Variants in SKAP1 observed in about 807,000 individuals in gnomAD.
SKAP1 encodes the protein src kinase-associated phosphoprotein 1.
In SKAP1, 44 loss-of-function variants were observed where a neutral mutation model predicts 58.5. That is an observed-to-expected ratio of 0.75 (90% CI 0.59 to 0.97). The LOEUF is 0.97. Among genes scored for constraint, SKAP1 ranks in the 50% least tolerant of loss-of-function variants. The probability of loss-of-function intolerance (pLI) is 0.00; values close to 1 mark genes in which losing one functional copy is unlikely to be tolerated. For synonymous variants in SKAP1, 127 were observed against 149.7 expected (o/e 0.85, Z 1.11); for missense variants, 390 against 435.2 (o/e 0.90, Z 0.92).
chr17:48,279,155 C>T (rs867456121), intron 4 of SKAP1, among the ~76,000 whole-genome samples: 9 of 152,194 alleles, frequency 5.9e-5, no homozygotes, highest in African/African-American at 2.2e-4. Flanking sequence ...TTAAGGCCTC[C>T]TTCCCACACA....
chr17:48,441,267 G>A, the SKAP1 span, among the ~76,000 whole-genome samples: 1 of 152,172 alleles, frequency 6.6e-6, no homozygotes, highest in Admixed American at 6.5e-5. Context: ...TTCAGAGCTG[G>A]AAGGAACTTT....
chr17:48,366,134 A>C (rs976164401), intron 2 of SKAP1, among the ~76,000 whole-genome samples: 2 of 152,220 alleles, frequency 1.3e-5, no homozygotes, highest in Non-Finnish European at 2.9e-5. Flanking sequence ...AATTAGGCTT[A>C]GCTTCTTCAG....
At chr17:48,250,572 C>T (rs982077805) in intron 4 of SKAP1, among the ~76,000 whole-genome samples, 3 of 151,960 alleles carry the variant, frequency 2.0e-5, no homozygotes, top group African/African-American at 7.2e-5. Flanking sequence ...TCAGCCACCA[C>T]GCCTGGCCAT....
intron 3 of SKAP1, among the ~76,000 whole-genome samples, chr17:48,360,540 A>C (rs2066922209): frequency 6.6e-6 from 1 of 152,186 alleles, no homozygotes; most frequent in Non-Finnish European, 1.5e-5. Context: ...TAAGTAAAAA[A>C]TTAAGTAGAA....
At chr17:48,173,547 A>G (rs1465021524) in intron 9 of SKAP1, among the ~76,000 whole-genome samples, 2 of 152,186 alleles carry the variant, frequency 1.3e-5, no homozygotes, top group African/African-American at 4.8e-5. Context: ...TTAGAGGAAA[A>G]GTTGGTACAA....
At chr17:48,434,253 G>C (rs1340156033), upstream of SKAP1, among the ~76,000 whole-genome samples, 1 of 152,330 alleles carries the variant, frequency 6.6e-6, no homozygotes, top group East Asian at 1.9e-4. Flanking sequence ...TGGAAGGAGA[G>C]ATGATGCATC....
intron 11 of SKAP1, among the ~76,000 whole-genome samples, chr17:48,151,174 C>A (rs1012086377): frequency 6.6e-6 from 1 of 151,896 alleles, no homozygotes; most frequent in African/African-American, 2.4e-5. Context: ...TTAGAATCTG[C>A]CATTTCATAA....
intron 2 of SKAP1, among the ~76,000 whole-genome samples, chr17:48,382,899 G>A (rs1247246803): frequency 6.6e-6 from 1 of 152,190 alleles, no homozygotes. Flanking sequence ...GAAACTGCAG[G>A]CATGTAATAA....
At chr17:48,423,649 T>C (rs1349224579) in intron 1 of SKAP1, among the ~76,000 whole-genome samples, 2 of 152,348 alleles carry the variant, frequency 1.3e-5, no homozygotes, top group East Asian at 1.9e-4. Context: ...TAGTGACTAT[T>C]ATGGTCAACA....
chr17:48,314,953 C>T (rs1056232040), intron 4 of SKAP1, among the ~76,000 whole-genome samples: 1 of 152,118 alleles, frequency 6.6e-6, no homozygotes, highest in Non-Finnish European at 1.5e-5. Flanking sequence ...TGTTGGCTAT[C>T]ATAAGGGCCT....
intron 4 of SKAP1, among the ~76,000 whole-genome samples, chr17:48,228,278 TA>T: frequency 1.3e-5 from 2 of 152,172 alleles, no homozygotes; most frequent in Non-Finnish European, 2.9e-5. Flanking sequence ...CTAAAATACT[TA>T]ATTTTTTCAC....
chr17:48,184,928 A>C, intron 6 of SKAP1, 81 bp from the exon 7 acceptor site: 1 of 1,408,764 alleles, frequency 7.1e-7, no homozygotes, highest in Non-Finnish European at 9.7e-7. Context: ...TGTAAAATAA[A>C]AGCACAGAAA....
intron 4 of SKAP1, among the ~76,000 whole-genome samples, chr17:48,218,326 C>G (rs1315290956): frequency 6.6e-6 from 1 of 152,190 alleles, no homozygotes; most frequent in Non-Finnish European, 1.5e-5. Flanking sequence ...ACCAACCCTT[C>G]TCATCCATAA....
chr17:48,163,889 G>C (rs1196048702), intron 10 of SKAP1, among the ~76,000 whole-genome samples: 3 of 152,156 alleles, frequency 2.0e-5, no homozygotes, highest in Admixed American at 2.0e-4. Flanking sequence ...AAACAGAGGA[G>C]GGAGAGAACT....
intron 4 of SKAP1, among the ~76,000 whole-genome samples, chr17:48,281,037 T>A (rs927312502): frequency 1.3e-5 from 2 of 152,136 alleles, no homozygotes; most frequent in Non-Finnish European, 2.9e-5. Flanking sequence ...ATTTATTTTT[T>A]ATTTTTTGAG....
upstream of SKAP1, among the ~76,000 whole-genome samples, chr17:48,433,508 C>T (rs2067928523): frequency 6.6e-6 from 1 of 152,168 alleles, no homozygotes; most frequent in South Asian, 2.1e-4. Context: ...CTTCCCGTCC[C>T]CCCCAGACCC....
chr17:48,375,073 T>C (rs1259049616), intron 2 of SKAP1, among the ~76,000 whole-genome samples: 1 of 152,220 alleles, frequency 6.6e-6, no homozygotes, highest in East Asian at 1.9e-4. Context: ...CAATCTAATA[T>C]GATAAATACT....
chr17:48,400,641 T>C (rs1462186058), intron 1 of SKAP1, among the ~76,000 whole-genome samples: 1 of 151,726 alleles, frequency 6.6e-6, no homozygotes, highest in Non-Finnish European at 1.5e-5. Flanking sequence ...TCCCAGCTGC[T>C]CAGGAGGCTA....
intron 4 of SKAP1, among the ~76,000 whole-genome samples, chr17:48,345,552 T>C (rs879357917): frequency 3.3e-5 from 5 of 152,164 alleles, no homozygotes; most frequent in Admixed American, 3.3e-4. Flanking sequence ...TCAATTCTCA[T>C]GTAAATCAGT....
Sources: allele counts gnomAD v4.1 joint callset (sites outside exome capture counted in the v4.1 genomes callset), GRCh38; gene constraint gnomAD v4.1.1; transcripts MANE v1.5; gene names NCBI Gene and HGNC (gene_info 2026-07-23, HGNC 2026-07-21).